SEMA3C: variants seen among roughly 807,000 people sequenced by gnomAD.
The protein encoded by SEMA3C is semaphorin 3C, also known as semaphorin-3C.
In SEMA3C, 47 loss-of-function variants were observed where a neutral mutation model predicts 89.4. The observed-to-expected ratio is 0.53, with a 90% CI of 0.42 to 0.67. The LOEUF (loss-of-function observed/expected upper bound fraction) is 0.67. Ranked by LOEUF, SEMA3C falls within the 30% of genes least tolerant of loss-of-function variation. The pLI, the probability that SEMA3C is intolerant of heterozygous loss-of-function variation, is 0.00. For missense variants in SEMA3C, 839 were observed against 929.1 expected (o/e 0.90, Z 1.26); for synonymous variants, 310 against 320.2 (o/e 0.97, Z 0.34).
At chr7:80,873,391 A>AATG (rs566710333) in intron 2 of SEMA3C, among the ~76,000 whole-genome samples, 88 of 152,250 alleles carry the variant, frequency 5.8e-4, no homozygotes, top group East Asian at 3.7e-3. Context: ...TCTTTATGAC[A>AATG]ATGATGATGA....
chr7:80,786,794 T>C (rs1303827925), intron 12 of SEMA3C, among the ~76,000 whole-genome samples: 1 of 152,198 alleles, frequency 6.6e-6, no homozygotes, highest in African/African-American at 2.4e-5. Context: ...GTGATATGCC[T>C]AGAGAGAAAT....
At chr7:80,921,994 C>A (rs1000452936), upstream of SEMA3C, among the ~76,000 whole-genome samples, 5 of 152,068 alleles carry the variant, frequency 3.3e-5, no homozygotes, top group African/African-American at 4.8e-5. Flanking sequence ...TTACCCTAAC[C>A]AGAGAATATT....
intron 2 of SEMA3C, among the ~76,000 whole-genome samples, chr7:80,876,734 C>A (rs1031829708): frequency 4.6e-5 from 7 of 152,020 alleles, no homozygotes; most frequent in African/African-American, 2.4e-5. Flanking sequence ...AAAATAAAGC[C>A]CTTTGATAAT....
intron 2 of SEMA3C, among the ~76,000 whole-genome samples, chr7:80,848,638 T>C (rs1790443207): frequency 6.6e-6 from 1 of 152,162 alleles, no homozygotes; most frequent in East Asian, 1.9e-4. Context: ...TTTTTGATGT[T>C]TTTATTCTTC....
intron 5 of SEMA3C, among the ~76,000 whole-genome samples, chr7:80,812,175 G>A (rs967408142): frequency 6.6e-6 from 1 of 152,134 alleles, no homozygotes; most frequent in Admixed American, 6.6e-5. Flanking sequence ...ATAGTTGTTT[G>A]AGTTTCTATA....
chr7:80,760,621 T>C (rs1788162685), intron 14 of SEMA3C, among the ~76,000 whole-genome samples: 1 of 152,258 alleles, frequency 6.6e-6, no homozygotes, highest in Admixed American at 6.5e-5. Context: ...ACAAACCAAA[T>C]ATGGTGAAGA....
intron 6 of SEMA3C, among the ~76,000 whole-genome samples, chr7:80,807,277 G>A (rs1291181281): frequency 6.6e-6 from 1 of 151,930 alleles, no homozygotes; most frequent in African/African-American, 2.4e-5. Flanking sequence ...TGTCATATCT[G>A]TTTTCAAGCA....
intron 11 of SEMA3C, among the ~76,000 whole-genome samples, chr7:80,790,266 A>G (rs547448834): frequency 1.7e-3 from 263 of 152,180 alleles, no homozygotes; most frequent in African/African-American, 6.1e-3. Context: ...CCTGGGCAAC[A>G]GAGTGAAATC....
At position 80,744,841 on chromosome 7, in the gene SEMA3C, C is replaced by T; in HGVS notation, c.*53G>A. On this transcript the variant is annotated 3_prime_UTR_variant, in exon 18 of 18. Coordinates refer to ENST00000265361, the MANE Select transcript of SEMA3C (RefSeq NM_006379.5). ...CAAGTTTCTTTGCTCAAAATTTGAT[C>T]ATTGAAGACAGAGCATTTGTTAATG... 1 of 1,588,384 alleles carries T rather than the reference C, an allele frequency of 6.3e-7. No individual in the cohort carries two copies. The highest frequency in any genetic ancestry group is 8.6e-7 in the Non-Finnish European group (1 of 1,162,736).
rs577964268 is a variant in SEMA3C, at chr7:80,786,622, G to C, written c.1354+2684C>G. ...CTAAGGCTAAAAGCAAATCTTTGTAGTCACTTACATGAAGGCTGTATCTGT... is the reference window on the plus strand; with the variant it reads ...CTAAGGCTAAAAGCAAATCTTTGTACTCACTTACATGAAGGCTGTATCTGT... On this transcript the variant is annotated intron_variant, in intron 12 of 17. Transcript: ENST00000265361. Among the ~76,000 whole-genome samples, 4 of 152,308 alleles carry C rather than the reference G, an allele frequency of 2.6e-5. No individual in the cohort carries two copies. The East Asian group carries it at 7.7e-4, about 29-fold the overall frequency.
At chr7:80,817,181 CA>C (rs1466300131) in intron 5 of SEMA3C, among the ~76,000 whole-genome samples, 1 of 151,914 alleles carries the variant, frequency 6.6e-6, no homozygotes, top group Non-Finnish European at 1.5e-5. Flanking sequence ...ATTTTGGGGT[CA>C]AATTATAATT....
At chr7:80,790,375 G>C (rs1788909011) in intron 11 of SEMA3C, among the ~76,000 whole-genome samples, 2 of 151,982 alleles carry the variant, frequency 1.3e-5, no homozygotes, top group South Asian at 2.1e-4. Context: ...AAGAGAAGAA[G>C]AAGAAGGAAG....
chr7:80,863,842 TC>T (rs1195630307), intron 2 of SEMA3C, among the ~76,000 whole-genome samples: 1 of 112,512 alleles, frequency 8.9e-6, no homozygotes, highest in East Asian at 3.0e-4. Flanking sequence ...GATATATATA[TC>T]ACATATCACA....
chr7:80,807,515 T>C (rs569140042), intron 6 of SEMA3C, among the ~76,000 whole-genome samples: 1 of 152,212 alleles, frequency 6.6e-6, no homozygotes, highest in Non-Finnish European at 1.5e-5. Flanking sequence ...TTGGTAACAA[T>C]CTTGAGAGGA....
chr7:80,749,328 A>C (rs1307093120), intron 16 of SEMA3C, among the ~76,000 whole-genome samples: 3 of 152,148 alleles, frequency 2.0e-5, no homozygotes, highest in African/African-American at 4.8e-5. Context: ...TGTTGACTTA[A>C]TTATTACAAT....
chr7:80,863,089 G>A (rs1790810576), intron 2 of SEMA3C, among the ~76,000 whole-genome samples: 1 of 152,004 alleles, frequency 6.6e-6, no homozygotes, highest in Non-Finnish European at 1.5e-5. Context: ...AAATAGTTGG[G>A]ACTTAATTAA....
chr7:80,863,444 T>C (rs1332434865), intron 2 of SEMA3C, among the ~76,000 whole-genome samples: 2 of 151,736 alleles, frequency 1.3e-5, no homozygotes, highest in South Asian at 2.1e-4. Context: ...TGGAAAACAG[T>C]GTAGAGATTC....
intron 2 of SEMA3C, among the ~76,000 whole-genome samples, chr7:80,861,887 C>T (rs1287997985): frequency 6.6e-6 from 1 of 152,112 alleles, no homozygotes; most frequent in Admixed American, 6.6e-5. Flanking sequence ...TGACAAAATC[C>T]AGCATCCCTT....
In SEMA3C at chr7:80,742,573, T is replaced by C. The variant is rs2117014630; in HGVS notation, c.*2321A>G. 6.6e-6 allele frequency: 1 copy of C among 152,156 alleles called. No homozygotes were observed. The highest frequency in any genetic ancestry group is 2.1e-4 in the South Asian group (1 of 4,828). 9.4% of individuals were successfully genotyped at this position (152,156 alleles called of 1,614,324 possible). Reference sequence around the variant, plus strand: ...AACATGTTTTATTTTGCCAGGCCAATGATTTCATCAATATCCAATTAAATT... The same window carrying C: ...AACATGTTTTATTTTGCCAGGCCAACGATTTCATCAATATCCAATTAAATT... On this transcript the variant is annotated 3_prime_UTR_variant, in exon 18 of 18. Transcript: ENST00000265361.
Sources: gnomAD v4.1 joint callset for allele counts (sites outside exome capture counted in the v4.1 genomes callset) on GRCh38, gnomAD v4.1.1 for gene constraint, MANE v1.5 for transcripts, NCBI Gene and HGNC (gene_info 2026-07-23, HGNC 2026-07-21) for gene names.